EPHA10: variants seen among roughly 807,000 people sequenced by gnomAD.
EPHA10 encodes the protein ephrin type-A receptor 10.
EPHA10 carries 120 observed loss-of-function variants against 109.7 expected under a neutral mutation model. The ratio of observed to expected loss-of-function variants is 1.09; its 90% confidence interval spans 0.94 to 1.27. The LOEUF (loss-of-function observed/expected upper bound fraction) is 1.27. Ranked by LOEUF, EPHA10 falls within the 50% of genes most tolerant of loss-of-function variation. The pLI is 0.00. For missense variants in EPHA10, 1,396 were observed against 1,411.1 expected, an observed-to-expected ratio of 0.99 and a Z score of 0.17; for synonymous variants, 640 against 618.9, an observed-to-expected ratio of 1.03 and a Z score of -0.51.
chr1:37,720,189 A>G (rs1346161581), intron 13 of EPHA10, 131 bp from the exon 14 acceptor site: 4 of 1,415,326 alleles, frequency 2.8e-6, no homozygotes, highest in Non-Finnish European at 3.8e-6. Flanking sequence ...CACATCTGGG[A>G]AAGACAGAAA....
At chr1:37,714,312 G>A (rs1403356896), downstream of EPHA10, among the ~76,000 whole-genome samples, 1 of 152,200 alleles carries the variant, frequency 6.6e-6, no homozygotes. Flanking sequence ...AGACATGCAA[G>A]GACTCATGTG....
chr1:37,720,141 T>A, intron 13 of EPHA10, 83 bp from the exon 14 acceptor site: 1 of 1,549,260 alleles, frequency 6.5e-7, no homozygotes, highest in Admixed American at 1.9e-5. Context: ...AGATCCAGCC[T>A]GCATGTCATC....
chr1:37,746,269 C>G (rs1316071206), intron 5 of EPHA10, among the ~76,000 whole-genome samples: 3 of 151,822 alleles, frequency 2.0e-5, no homozygotes, highest in Non-Finnish European at 2.9e-5. Flanking sequence ...CCCAGCTAAT[C>G]TTGTATTTTT....
In EPHA10 at chr1:37,761,819, C is replaced by T. The variant is rs146430998; in HGVS notation, c.436G>A (p.Gly146Ser). The T allele has an allele frequency of 2.2e-5, 35 of 1,613,584 alleles. No individual in the cohort carries two copies. The highest frequency in any genetic ancestry group is 2.9e-5 in the Non-Finnish European group (34 of 1,179,752). ...GTGTCGATTTTGCGGGGCCGGCTGC[C>T]GCCTAGGCGGGGACGCCCACGGCCC... ...DLGRGRPRLG[G>S]SRPRKIDTIA... Residue 146 changes from glycine (G) to serine (S), a missense_variant, in exon 3 of 17, where the codon GGC (glycine) becomes AGC (serine). Gly to Ser is a moderately conservative substitution (Grantham distance 56, BLOSUM62 0). Coordinates refer to ENST00000373048, the MANE Select transcript of EPHA10 (RefSeq NM_001099439.2).
rs143492428 is a variant in EPHA10, at chr1:37,734,737, A to G, written c.1491+520T>C. The G allele has an allele frequency of 2.4e-5, 10 of 422,054 alleles. No individual in the cohort carries two copies. The East Asian group carries it at 7.4e-4, about 31-fold the overall frequency. The allele number at this position is 422,054 out of a possible 1,614,324, so 26.1% of individuals were successfully genotyped here. A position where few individuals can be genotyped will look rare whatever the true frequency, so the allele number is the denominator to read the frequency against. ...GAGTTCACAATCAAGAGTTCTGAAC[A>G]TATTTTATTATCACTGTAAATGCTG... On this transcript the variant is annotated intron_variant, in intron 6 of 16. Coordinates refer to ENST00000373048, the MANE Select transcript of EPHA10 (RefSeq NM_001099439.2).
intron 3 of EPHA10, chr1:37,761,111 C>T (rs1427570372): frequency 3.6e-5 from 36 of 1,013,404 alleles, no homozygotes; most frequent in Non-Finnish European, 4.4e-5. Context: ...AAAACAATGA[C>T]TTCCTTTATT....
At position 37,762,875 on chromosome 1, in the gene EPHA10, T is replaced by C. The variant is rs753051430; in HGVS notation, c.107-26A>G. The C allele has an allele frequency of 3.2e-6, 5 of 1,544,376 alleles. No individual in the cohort carries two copies. The Admixed American group carries it at 8.1e-5, about 25-fold the overall frequency. ...CTAAGGAGAGGGGAAGACAGAAATATCAGAAATCGAGAAGGTCAGTTTAGC... is the reference window on the plus strand; with the variant it reads ...CTAAGGAGAGGGGAAGACAGAAATACCAGAAATCGAGAAGGTCAGTTTAGC... On this transcript the variant is annotated intron_variant, in intron 1 of 16. Coordinates refer to ENST00000373048, the MANE Select transcript of EPHA10 (RefSeq NM_001099439.2).
rs11584465 is a variant in EPHA10 at position 37,754,437 on chromosome 1, G to T, written c.851-67C>A. 0.26 allele frequency: 324,018 copies of T among 1,251,672 alleles called. 44,512 individuals are homozygous for T. Among genetic ancestry groups the T allele is most frequent in the Non-Finnish European group, 0.28 (278,166 of 993,900 alleles). 77.5% of individuals were successfully genotyped at this position (1,251,672 alleles called of 1,614,324 possible). On this transcript the variant is annotated intron_variant, in intron 3 of 16. Transcript: ENST00000373048. This position sits in a 1 kb window ranked among gnomAD's most constrained non-coding sequence, Gnocchi z 4.5. ...TCTCCCCGCTTTCCTGACTGGCCTG[G>T]TTAGGGCAGCGTTTATCTCCTCCAA...
At chr1:37,732,338 C>T (rs1351264531) in intron 6 of EPHA10, among the ~76,000 whole-genome samples, 4 of 152,108 alleles carry the variant, frequency 2.6e-5, no homozygotes, top group Non-Finnish European at 5.9e-5. Flanking sequence ...TCATGCTGCC[C>T]CCCGCTCCAC....
At chr1:37,738,818 C>T (rs1646108553) in intron 5 of EPHA10, among the ~76,000 whole-genome samples, 1 of 134,550 alleles carries the variant, frequency 7.4e-6, no homozygotes, top group African/African-American at 2.6e-5. Context: ...TACTATGCAG[C>T]CATAAAAAAA....
rs1372134494 is a variant in EPHA10 at position 37,721,933 on chromosome 1, C to A, written c.1961-88G>T. On this transcript the variant is annotated intron_variant, in intron 10 of 16. Transcript: ENST00000373048. ...TGAGCCGAGGAGAAAGTGACTCTGACCAGCCTGGCCAACATGGCGAAACCC... is the reference window on the plus strand; with the variant it reads ...TGAGCCGAGGAGAAAGTGACTCTGAACAGCCTGGCCAACATGGCGAAACCC... 27 of 1,302,778 alleles carry A rather than the reference C, an allele frequency of 2.1e-5. No homozygotes were observed. In the East Asian group the frequency reaches 7.7e-4, roughly 37 times the overall value. The allele number at this position is 1,302,778 out of a possible 1,614,324, so 80.7% of individuals were successfully genotyped here.
In EPHA10 at chr1:37,727,230, G is replaced by T. The variant is rs759812178; in HGVS notation, c.1664-20C>A. The T allele has an allele frequency of 1.9e-6, 3 of 1,581,104 alleles. No homozygotes were observed. The East Asian group carries it at 6.9e-5, about 36-fold the overall frequency. ...AGGCAGCTGGGAGGAAAATCACGAGGTTGAGGCAGGCAGAGGACCAGGCTC... is the reference window on the plus strand; with the variant it reads ...AGGCAGCTGGGAGGAAAATCACGAGTTTGAGGCAGGCAGAGGACCAGGCTC... On this transcript the variant is annotated intron_variant, in intron 7 of 16. Transcript: ENST00000373048.
In EPHA10 at chr1:37,719,971, T is replaced by C. The variant is rs772462490; in HGVS notation, c.2500A>G (p.Ile834Val). 6.2e-7 allele frequency: 1 copy of C among 1,614,092 alleles called. No homozygotes were observed. Among genetic ancestry groups the C allele is most frequent in the South Asian group, 1.1e-5 (1 of 91,080 alleles). ...SSASDVWSFG[I>V]IMWEVMAFGE... is the part of the protein sequence containing the mutation. ...AAGGCCATCACCTCCCACATGATGA[T>C]GCCGAAGCTCCACACGTCACTGGCA... The change falls in exon 14 of 17, where the codon ATC (isoleucine) becomes GTC (valine). Residue 834 changes from isoleucine (I) to valine (V), a missense_variant. By Grantham distance (29) the Ile-to-Val change is conservative. Coordinates refer to ENST00000373048, the MANE Select transcript of EPHA10 (RefSeq NM_001099439.2).
At chr1:37,752,711 C>CG (rs1053594924) in intron 5 of EPHA10, among the ~76,000 whole-genome samples, 165 bp downstream of exon 5, 12 of 129,338 alleles carry the variant, frequency 9.3e-5, no homozygotes, top group African/African-American at 2.6e-4. Context: ...CTGGGGCGTC[C>CG]GGGGGGGTGA....
intron 7 of EPHA10, among the ~76,000 whole-genome samples, chr1:37,728,715 C>T (rs1397037787): frequency 1.3e-5 from 2 of 152,034 alleles, no homozygotes; most frequent in African/African-American, 4.8e-5. Context: ...AGCAGTCTTT[C>T]GGATGTCACA....
At chr1:37,751,003 A>G (rs1374229407) in intron 5 of EPHA10, among the ~76,000 whole-genome samples, 1 of 150,790 alleles carries the variant, frequency 6.6e-6, no homozygotes, top group African/African-American at 2.4e-5. Flanking sequence ...CAGGAGATCG[A>G]GACCATCCTG....
chr1:37,732,885 TTTTTTTTTTTTTTTTTTTTTTTG>T (rs1646010459), intron 6 of EPHA10, among the ~76,000 whole-genome samples: 2 of 107,700 alleles, frequency 1.9e-5, no homozygotes, highest in African/African-American at 7.5e-5. Context: ...TTTTTTTTTT[TTTTTTTTTTTTTTTTTTTTTTTG>T]AGGCAGAGTC....
At chr1:37,756,988 C>T (rs147506181) in intron 3 of EPHA10, among the ~76,000 whole-genome samples, 1,527 of 152,190 alleles carry the variant, frequency 0.01, 24 homozygotes, top group African/African-American at 0.035. Context: ...TGCAACCATG[C>T]CTGGCTAATT....
chr1:37,764,502 C>A lies in EPHA10; in HGVS notation c.106+459G>T, dbSNP rs181648259. On this transcript the variant is annotated intron_variant, in intron 1 of 16. Coordinates refer to ENST00000373048, the MANE Select transcript of EPHA10 (RefSeq NM_001099439.2). This position sits in a 1 kb window ranked among gnomAD's most constrained non-coding sequence, Gnocchi z 5.8. Reference sequence around the variant, plus strand: ...CATGATCAGCACGTCGGGCAGCGCCCGGATCCAGCCCCCTCGACCAGCATT... The same window carrying A: ...CATGATCAGCACGTCGGGCAGCGCCAGGATCCAGCCCCCTCGACCAGCATT... Among the ~76,000 whole-genome samples, 2 of 152,234 alleles carry A rather than the reference C, an allele frequency of 1.3e-5. No homozygotes were observed. Among genetic ancestry groups the A allele is most frequent in the Admixed American group, 1.3e-4 (2 of 15,282 alleles).
Sources: gnomAD v4.1 joint callset for allele counts (sites outside exome capture counted in the v4.1 genomes callset) on GRCh38, gnomAD v4.1.1 for gene constraint, Gnocchi (gnomAD v3.1) non-coding constraint, MANE v1.5 for transcripts, NCBI Gene and HGNC (gene_info 2026-07-23, HGNC 2026-07-21) for gene names.